GABRG3: variants seen among roughly 807,000 people sequenced by gnomAD.
GABRG3 encodes gamma-aminobutyric acid receptor subunit gamma-3.
GABRG3 carries 25 observed loss-of-function variants against 48.8 expected under a neutral mutation model. The observed-to-expected ratio is 0.51, with a 90% CI of 0.37 to 0.72. The LOEUF (loss-of-function observed/expected upper bound fraction) is 0.72. Among genes scored for constraint, GABRG3 ranks in the 30% least tolerant of loss-of-function variants. GABRG3 has a pLI of 0.00. For missense variants in GABRG3, 394 were observed against 577.9 expected (o/e 0.68, Z 3.26); for synonymous variants, 227 against 217.6 (o/e 1.04, Z -0.38).
intron 3 of GABRG3, among the ~76,000 whole-genome samples, chr15:27,143,372 A>G (rs1188548028): frequency 6.6e-6 from 1 of 152,198 alleles, no homozygotes; most frequent in East Asian, 1.9e-4. Context: ...GAGCTACCAT[A>G]TCTGGCTGGG....
chr15:26,993,131 A>C (rs574037099), intron 2 of GABRG3, among the ~76,000 whole-genome samples: 1 of 151,686 alleles, frequency 6.6e-6, no homozygotes, highest in African/African-American at 2.4e-5. Context: ...AGGTTTGTCA[A>C]TTTTGTTTAT....
chr15:27,500,782 T>G (rs1293959510), intron 6 of GABRG3, among the ~76,000 whole-genome samples: 2 of 152,042 alleles, frequency 1.3e-5, no homozygotes, highest in Non-Finnish European at 2.9e-5. Context: ...TCTGCATTCA[T>G]CATATCACTA....
At chr15:27,491,085 A>G (rs1890342173) in intron 6 of GABRG3, among the ~76,000 whole-genome samples, 1 of 152,222 alleles carries the variant, frequency 6.6e-6, no homozygotes, top group Non-Finnish European at 1.5e-5. Context: ...TCGTTTTGCA[A>G]GCACCTGGCC....
At position 27,306,980 on chromosome 15, in the gene GABRG3, ATATAAACATGTTTATATATAAACATGT is replaced by A. The variant is rs1566769612; in HGVS notation, c.271-19828_271-19802del. ...ACATGTTTATATATAAACATATATA[ATATAAACATGTTTATATATAAACATGT>A]ATAAACATGTTTATATATAAACATG... On this transcript the variant is annotated intron_variant, in intron 3 of 9. Coordinates refer to ENST00000615808, the MANE Select transcript of GABRG3 (RefSeq NM_033223.5). Among the ~76,000 whole-genome samples the A allele has an allele frequency of 2.4e-3, 107 of 45,078 alleles. 8 individuals are homozygous for A. Among genetic ancestry groups the A allele is most frequent in the African/African-American group, 6.0e-3 (102 of 16,914 alleles). The allele number at this position is 45,078 out of a possible 152,430, so 29.6% of individuals were successfully genotyped here.
chr15:27,443,714 C>G (rs2140635076), intron 5 of GABRG3, among the ~76,000 whole-genome samples: 1 of 152,266 alleles, frequency 6.6e-6, no homozygotes, highest in South Asian at 2.1e-4. Context: ...AGATATCCTT[C>G]TCTTATTCAT....
chr15:27,430,320 T>A (rs1429974581), intron 5 of GABRG3, among the ~76,000 whole-genome samples: 3 of 152,224 alleles, frequency 2.0e-5, no homozygotes, highest in Non-Finnish European at 4.4e-5. Context: ...TATTGTATGG[T>A]AAATAAATAG....
chr15:27,223,296 G>A (rs34755423), intron 3 of GABRG3, among the ~76,000 whole-genome samples: 29,008 of 152,154 alleles, frequency 0.19, 3,548 homozygotes, highest in South Asian at 0.28. Context: ...CAGGGACTCT[G>A]TCTAGGTCCC....
At chr15:26,990,974 T>G (rs1895237398) in intron 2 of GABRG3, among the ~76,000 whole-genome samples, 1 of 151,968 alleles carries the variant, frequency 6.6e-6, no homozygotes, top group Non-Finnish European at 1.5e-5. Flanking sequence ...CTGGCTAACT[T>G]TTGTATTTTC....
chr15:27,282,539 C>A (rs1047190302), intron 3 of GABRG3, among the ~76,000 whole-genome samples: 5 of 152,120 alleles, frequency 3.3e-5, no homozygotes, highest in Non-Finnish European at 7.4e-5. Flanking sequence ...CTGTCTTTTT[C>A]AGTTCTAACA....
chr15:27,069,189 G>T (rs1289256775), intron 3 of GABRG3, among the ~76,000 whole-genome samples: 1 of 152,214 alleles, frequency 6.6e-6, no homozygotes, highest in African/African-American at 2.4e-5. Flanking sequence ...GAACCCTCAA[G>T]CTGCTCAGTG....
At chr15:27,310,245 G>A (rs1892949573) in intron 3 of GABRG3, among the ~76,000 whole-genome samples, 1 of 152,088 alleles carries the variant, frequency 6.6e-6, no homozygotes, top group South Asian at 2.1e-4. Flanking sequence ...TAGAACTATT[G>A]TGTGTCCTGA....
chr15:27,172,121 C>G (rs969488214), intron 3 of GABRG3, among the ~76,000 whole-genome samples: 5 of 152,156 alleles, frequency 3.3e-5, no homozygotes, highest in Admixed American at 6.6e-5. Context: ...CTCTTAATAC[C>G]ATTACAATGG....
At position 26,974,564 on chromosome 15, in the gene GABRG3, C is replaced by G. The variant is rs989443335; in HGVS notation, c.54-2438C>G. Among the ~76,000 whole-genome samples, 1 of 151,768 alleles carries G rather than the reference C, an allele frequency of 6.6e-6. No individual in the cohort carries two copies. The highest frequency in any genetic ancestry group is 2.4e-5 in the African/African-American group (1 of 41,296). ...GAGTGAGGCAGACCCCCTCACAGTG[C>G]CCAAGACAGAGACAGCAGAGGGAGG... On this transcript the variant is annotated intron_variant, in intron 1 of 9. Coordinates refer to ENST00000615808, the MANE Select transcript of GABRG3 (RefSeq NM_033223.5). The surrounding 1 kb of genome is among the most constrained non-coding windows in gnomAD (Gnocchi z 4.3).
intron 5 of GABRG3, among the ~76,000 whole-genome samples, chr15:27,478,059 A>G (rs541256274): frequency 3.3e-5 from 5 of 151,182 alleles, no homozygotes; most frequent in East Asian, 1.9e-4. Context: ...AAAAAAAAAA[A>G]AAAGAAAGAA....
chr15:27,089,015 C>T (rs977270309), intron 3 of GABRG3, among the ~76,000 whole-genome samples: 4 of 152,060 alleles, frequency 2.6e-5, no homozygotes, highest in Non-Finnish European at 4.4e-5. Flanking sequence ...TGGCTGGCGC[C>T]GGGCTCTGGA....
intron 3 of GABRG3, among the ~76,000 whole-genome samples, chr15:27,134,814 T>G (rs1277545302): frequency 6.6e-6 from 1 of 152,204 alleles, no homozygotes; most frequent in South Asian, 2.1e-4. Context: ...GCAGATGATA[T>G]TATGAAAGAA....
intron 5 of GABRG3, among the ~76,000 whole-genome samples, chr15:27,356,777 T>C (rs1469983392): frequency 6.6e-6 from 1 of 152,204 alleles, no homozygotes; most frequent in Non-Finnish European, 1.5e-5. Flanking sequence ...ACTTTGAACA[T>C]GATGCTTAGG....
chr15:27,301,914 T>C (rs566624454), intron 3 of GABRG3, among the ~76,000 whole-genome samples: 2 of 152,208 alleles, frequency 1.3e-5, no homozygotes, highest in East Asian at 3.9e-4. Flanking sequence ...AGGCATGGCA[T>C]TTTTCAAGTG....
At chr15:27,476,454 A>G (rs1889943823) in intron 5 of GABRG3, among the ~76,000 whole-genome samples, 1 of 152,192 alleles carries the variant, frequency 6.6e-6, no homozygotes, top group South Asian at 2.1e-4. Context: ...CCAAGTAGAC[A>G]ATATCAGTGA....
Sources: gnomAD v4.1 joint callset for allele counts (sites outside exome capture counted in the v4.1 genomes callset) on GRCh38, gnomAD v4.1.1 for gene constraint, Gnocchi (gnomAD v3.1) non-coding constraint, MANE v1.5 for transcripts, NCBI Gene and HGNC (gene_info 2026-07-23, HGNC 2026-07-21) for gene names.